Variants in PADI1 observed in about 807,000 individuals in gnomAD.
PADI1 encodes the protein protein-arginine deiminase type-1.
Under a neutral mutation model 74.8 loss-of-function variants are expected in PADI1, and 65 were observed. The ratio of observed to expected loss-of-function variants is 0.87; its 90% CI spans 0.71 to 1.07. The LOEUF is 1.07. Ranked by LOEUF, PADI1 falls within the 50% of genes least tolerant of loss-of-function variation. The pLI is 0.00. For synonymous variants in PADI1, 371 were observed against 336.2 expected, an observed-to-expected ratio of 1.10 and a Z score of -1.13; for missense variants, 943 against 854.0, an observed-to-expected ratio of 1.10 and a Z score of -1.30.
At chr1:17,218,984 G>A (rs1281748445) in intron 1 of PADI1, among the ~76,000 whole-genome samples, 1 of 152,144 alleles carries the variant, frequency 6.6e-6, no homozygotes, top group Non-Finnish European at 1.5e-5. Context: ...CTGGAGATAG[G>A]AGAAGATAGG....
At chr1:17,213,843 C>T (rs1421999389) in intron 1 of PADI1, among the ~76,000 whole-genome samples, 6 of 152,324 alleles carry the variant, frequency 3.9e-5, no homozygotes, top group East Asian at 3.9e-4. Flanking sequence ...CTCCTCATCC[C>T]GCCCTCCGCG....
At chr1:17,230,923 T>G (rs1569823455) in intron 10 of PADI1, among the ~76,000 whole-genome samples, 1 of 152,274 alleles carries the variant, frequency 6.6e-6, no homozygotes, top group East Asian at 1.9e-4. Context: ...GAGGGGCAGG[T>G]CAGCAGCCCT....
At chr1:17,225,647 T>C (rs2072286321) in intron 4 of PADI1, among the ~76,000 whole-genome samples, 164 bp from the exon 5 acceptor site, 1 of 152,196 alleles carries the variant, frequency 6.6e-6, no homozygotes, top group Admixed American at 6.5e-5. Context: ...TCTAGAGCCT[T>C]ATCTGGAACT....
At position 17,238,623 on chromosome 1, in the gene PADI1, G is replaced by A. The variant is rs770352294; in HGVS notation, c.1466G>A (p.Arg489Gln). 3.6e-5 allele frequency: 54 copies of A among 1,506,206 alleles called. No homozygotes were observed. Among genetic ancestry groups the A allele is most frequent in the South Asian group, 5.1e-5 (4 of 78,002 alleles). 93.3% of individuals were successfully genotyped at this position (1,506,206 alleles called of 1,614,324 possible). A position where few individuals can be genotyped will look rare whatever the true frequency, so the allele number is the denominator to read the frequency against. ...FVPTSDQKGFRLLLASPSACL... is the reference protein window; with the variant it reads ...FVPTSDQKGFQLLLASPSACL... ...TCCCTCCCTCCGTGCCAGGGCTTCC[G>A]GCTGCTCCTGGCTAGCCCCAGCGCT... The change falls in exon 13 of 16, where the codon CGG (arginine) becomes CAG (glutamine). Residue 489 changes from arginine (R) to glutamine (Q), a missense_variant. Arg to Gln is a conservative substitution (Grantham distance 43, BLOSUM62 1). Coordinates refer to ENST00000375471, the MANE Select transcript of PADI1 (RefSeq NM_013358.3).
In PADI1 at chr1:17,239,724, A is replaced by G. The variant is rs141758963; in HGVS notation, c.1573A>G (p.Arg525Gly). The stretch of plus-strand genomic sequence containing the variant: ...TGCAGGGTTAAAACACCAGGCAAAA[A>G]GAAGCATTAATGAGATGCTGGCAGA... ...QFDGLKHQAK[R>G]SINEMLADRH... The change falls in exon 14 of 16, where the codon AGA becomes GGA. Residue 525 changes from arginine to glycine, a missense_variant. Coordinates refer to ENST00000375471, the MANE Select transcript of PADI1 (RefSeq NM_013358.3). 4 of 1,613,910 alleles carry G rather than the reference A, an allele frequency of 2.5e-6. No homozygotes were observed. The highest frequency in any genetic ancestry group is 1.3e-5 in the African/African-American group (1 of 74,948).
chr1:17,222,418 C>A lies in PADI1; in HGVS notation c.221C>A (p.Ala74Glu), dbSNP rs763383512. ...GKARWPLDTD[A>E]DMVVSVGTAS... ...GCCCGTTGGCCGCTAGACACTGATG[C>A]AGACATGGTCGTATCTGTGGGCACA... Residue 74 changes from alanine (A) to glutamate (E), a missense_variant, in exon 2 of 16, where the codon GCA becomes GAA. Physicochemically the swap from Ala to Glu is moderately radical, Grantham distance 107. Coordinates refer to ENST00000375471, the MANE Select transcript of PADI1 (RefSeq NM_013358.3). The A allele has an allele frequency of 1.9e-6, 3 of 1,614,052 alleles. No individual in the cohort carries two copies. The highest frequency in any genetic ancestry group is 1.7e-5 in the Admixed American group (1 of 60,020).
chr1:17,232,639 A>C (rs2072518765), intron 10 of PADI1, among the ~76,000 whole-genome samples, 180 bp from the exon 11 acceptor site: 1 of 152,078 alleles, frequency 6.6e-6, no homozygotes, highest in Non-Finnish European at 1.5e-5. Flanking sequence ...TTTGTCTTTA[A>C]TCGCATGGTT....
chr1:17,205,913 G>A (rs939667036), intron 1 of PADI1, among the ~76,000 whole-genome samples: 1 of 151,954 alleles, frequency 6.6e-6, no homozygotes, highest in Non-Finnish European at 1.5e-5. Flanking sequence ...AGTGATGATG[G>A]CGATGATGGC....
rs1046466148 is a variant in PADI1 at position 17,244,073 on chromosome 1, G to A, written c.1822G>A (p.Gly608Ser). ...CAAGCCCTACGGGCCCATCATCAAT[G>A]GCCGCTGCTGCCTGGAGGAGAAGGT... ...IPKPYGPIIN[G>S]RCCLEEKVQS... is the part of the protein sequence containing the mutation. Residue 608 changes from glycine (G) to serine (S), a missense_variant, in exon 16 of 16, where the codon GGC (glycine) becomes AGC (serine). Coordinates refer to ENST00000375471, the MANE Select transcript of PADI1 (RefSeq NM_013358.3). The A allele has an allele frequency of 3.7e-6, 6 of 1,614,218 alleles. No individual in the cohort carries two copies. In the Admixed American group the frequency reaches 1.0e-4, roughly 27 times the overall value.
At chr1:17,229,207 G>A (rs1003587443) in intron 8 of PADI1, among the ~76,000 whole-genome samples, 156 bp downstream of exon 8, 1 of 152,196 alleles carries the variant, frequency 6.6e-6, no homozygotes, top group African/African-American at 2.4e-5. Context: ...GTGGGCTGGG[G>A]CCCCACCCTG....
At chr1:17,236,576 G>A (rs369735463) in intron 11 of PADI1, among the ~76,000 whole-genome samples, 9 of 152,186 alleles carry the variant, frequency 5.9e-5, no homozygotes, top group East Asian at 5.8e-4. Context: ...GTGGCATGGC[G>A]AAACCCACCT....
At chr1:17,237,544 C>T in intron 12 of PADI1, 86 bp downstream of exon 12, 1 of 1,336,898 alleles carries the variant, frequency 7.5e-7, no homozygotes, top group African/African-American at 1.5e-5. Flanking sequence ...CTGGAACCAG[C>T]TCAACCCTGT....
intron 1 of PADI1, among the ~76,000 whole-genome samples, chr1:17,214,707 CT>C (rs1400895604): frequency 6.6e-6 from 1 of 152,154 alleles, no homozygotes; most frequent in Non-Finnish European, 1.5e-5. Flanking sequence ...TGGCCTGGGG[CT>C]CCCCACAAGC....
chr1:17,227,550 T>C (rs1270182310), intron 6 of PADI1, among the ~76,000 whole-genome samples: 1 of 141,866 alleles, frequency 7.0e-6, no homozygotes, highest in Non-Finnish European at 1.6e-5. Flanking sequence ...AATAAATAAA[T>C]AAATAAATAA....
chr1:17,237,366 C>A lies in PADI1; in HGVS notation c.1366C>A (p.Gln456Lys), dbSNP rs147031144. The change falls in exon 12 of 16, where the codon CAG becomes AAG. Residue 456 changes from glutamine (Q) to lysine (K), a missense_variant. By Grantham distance (53) the Gln-to-Lys change is moderately conservative. Transcript: ENST00000375471. ...RAVRNFLKAQ[Q>K]VQAPVELYSD... is the part of the protein sequence containing the mutation. ...AGTGCGGAACTTCCTGAAGGCACAG[C>A]AGGTGCAGGCACCCGTGGAGCTCTA... 165 of 1,613,360 alleles carry A rather than the reference C, an allele frequency of 1.0e-4. No individual in the cohort carries two copies. Among genetic ancestry groups the A allele is most frequent in the Non-Finnish European group, 1.3e-4 (156 of 1,179,550 alleles).
chr1:17,205,297 T>G lies in PADI1; in HGVS notation c.80T>G (p.Val27Gly), dbSNP rs967664369. ...AVCVVGVEAH[V>G]DIHSDVPKGA... Reference sequence around the variant, plus strand: ...TGTGTGGTGGGAGTCGAGGCACATGTGGACATTCACAGGTAAGAGCTGGGA... The same window carrying G: ...TGTGTGGTGGGAGTCGAGGCACATGGGGACATTCACAGGTAAGAGCTGGGA... The change falls in exon 1 of 16, where the codon GTG (valine) becomes GGG (glycine). Residue 27 changes from valine (V) to glycine (G), a missense_variant. Coordinates refer to ENST00000375471, the MANE Select transcript of PADI1 (RefSeq NM_013358.3). 1 of 1,613,670 alleles carries G rather than the reference T, an allele frequency of 6.2e-7. No homozygotes were observed. Among genetic ancestry groups the G allele is most frequent in the African/African-American group, 1.3e-5 (1 of 74,868 alleles).
chr1:17,212,457 C>T (rs2977278), intron 1 of PADI1, among the ~76,000 whole-genome samples: 116,695 of 149,054 alleles, frequency 0.78, 45,918 homozygotes, highest in East Asian at 0.96. Flanking sequence ...TCAGTTTCTG[C>T]CCCCAGGATC....
intron 13 of PADI1, 66 bp from the exon 14 acceptor site, chr1:17,239,638 C>A: frequency 1.7e-6 from 2 of 1,190,474 alleles, no homozygotes; most frequent in Admixed American, 1.7e-5. Context: ...GATTATGTAG[C>A]CCCAGGCTGA....
rs778670380 is a variant in PADI1 at position 17,227,030 on chromosome 1, TA to T, written c.652+889del. On this transcript the variant is annotated intron_variant, in intron 6 of 15. Transcript: ENST00000375471. Reference sequence around the variant, plus strand: ...CTGGGCGACAGAGTGAGACTCTGTCTAAAAAAAAAAAAAAAAATTAGCTGGG... The same window carrying T: ...CTGGGCGACAGAGTGAGACTCTGTCTAAAAAAAAAAAAAAAATTAGCTGGG... Among the ~76,000 whole-genome samples the T allele has an allele frequency of 4.1e-3, 520 of 125,536 alleles. 1 individual carries two copies. The highest frequency in any genetic ancestry group is 8.0e-3 in the Middle Eastern group (2 of 250). The allele number at this position is 125,536 out of a possible 152,430, so 82.4% of individuals were successfully genotyped here.
Sources: gnomAD v4.1 joint callset for allele counts (sites outside exome capture counted in the v4.1 genomes callset) on GRCh38, gnomAD v4.1.1 for gene constraint, MANE v1.5 for transcripts, NCBI Gene and HGNC (gene_info 2026-07-23, HGNC 2026-07-21) for gene names.